Variants in FANCD2 observed in about 807,000 individuals in gnomAD.
The protein encoded by FANCD2 is FA complementation group D2, also known as Fanconi anemia group D2 protein.
In FANCD2, 131 loss-of-function variants were observed where a neutral mutation model predicts 192.3. The ratio of observed to expected loss-of-function variants is 0.68; its 90% CI spans 0.59 to 0.79. FANCD2 has a LOEUF of 0.79. FANCD2 is among the 30% of genes least tolerant of loss of function. The probability of loss-of-function intolerance (pLI) is 0.00; values close to 1 mark genes in which losing one functional copy is unlikely to be tolerated. For missense variants in FANCD2, 1,508 were observed against 1,701.6 expected (o/e 0.89, Z 2.00); for synonymous variants, 524 against 612.5 (o/e 0.86, Z 2.13).
At chr3:10,076,187 G>T (rs997972639) in intron 29 of FANCD2, among the ~76,000 whole-genome samples, 1 of 151,924 alleles carries the variant, frequency 6.6e-6, no homozygotes, top group Non-Finnish European at 1.5e-5. Flanking sequence ...TCACTCTGGG[G>T]TCCTGCCCAG....
At chr3:10,070,398 G>A (rs1693146573) in intron 26 of FANCD2, among the ~76,000 whole-genome samples, 1 of 137,700 alleles carries the variant, frequency 7.3e-6, no homozygotes, top group Non-Finnish European at 1.6e-5. Flanking sequence ...CCCCCCGCCC[G>A]GCCAGCTGCC....
intron 18 of FANCD2, among the ~76,000 whole-genome samples, chr3:10,053,892 A>G (rs535590585): frequency 2.6e-5 from 4 of 152,214 alleles, no homozygotes; most frequent in African/African-American, 9.6e-5. Flanking sequence ...TCTCCATCTA[A>G]TGTGAACTTC....
At chr3:10,080,001 G>A (rs191474336) in intron 30 of FANCD2, among the ~76,000 whole-genome samples, 26 of 145,848 alleles carry the variant, frequency 1.8e-4, no homozygotes, top group Admixed American at 1.4e-3. Flanking sequence ...TGCAACTTCC[G>A]CCTCCTGGGT....
rs35435971 is a variant in FANCD2 at position 10,046,536 on chromosome 3, A to AGG, written c.1135-44_1135-43insGG. 6.5e-4 allele frequency: 1,047 copies of AGG among 1,612,502 alleles called. 10 individuals are homozygous for AGG. In the East Asian group the frequency reaches 0.023, roughly 35 times the overall value. ...CTGTTTCATTGTAGCAAATGTACTG[A>AGG]TTTGTTAACTGTTTTTCTGTTGTTG... On this transcript the variant is annotated intron_variant, in intron 14 of 43. Coordinates refer to ENST00000675286, the MANE Select transcript of FANCD2 (RefSeq NM_001018115.3).
rs2086699995 is a variant in FANCD2, at chr3:10,035,247, T to A, written c.438+14T>A. The A allele has an allele frequency of 6.2e-7, 1 of 1,609,366 alleles. No individual in the cohort carries two copies. The highest frequency in any genetic ancestry group is 8.5e-7 in the Non-Finnish European group (1 of 1,175,892). Reference sequence around the variant, plus strand: ...GACATACTGCAGGTAAGACTGTCACTTTTTCTGTGAACATTTGATGGAAGA... The same window carrying A: ...GACATACTGCAGGTAAGACTGTCACATTTTCTGTGAACATTTGATGGAAGA... On this transcript the variant is annotated intron_variant, in intron 6 of 43. Coordinates refer to ENST00000675286, the MANE Select transcript of FANCD2 (RefSeq NM_001018115.3).
intron 42 of FANCD2, among the ~76,000 whole-genome samples, chr3:10,096,966 A>G (rs1380361791): frequency 6.6e-6 from 1 of 152,192 alleles, no homozygotes; most frequent in African/African-American, 2.4e-5. Context: ...ATAAAGGGAC[A>G]GAGTACAAAA....
Position 10,065,395 on chromosome 3 carries a change from T to G in FANCD2, c.2170T>G (p.Leu724Val), listed in dbSNP as rs201243424. ...PVTSQESGQK[L>V]VSPLCLAPYF... ...TAGAAATTTATTTCTCCTTCTCAGA[T>G]TGGTGTCTCCGCTGTGCCTGGCTCC... Residue 724 changes from leucine to valine, a missense_variant and splice_region_variant, in exon 24 of 44, where the codon TTG (leucine) becomes GTG (valine). Physicochemically the swap from Leu to Val is conservative, Grantham distance 32. Around this residue, in one of 5 missense-constraint regions of FANCD2, gnomAD observed 796 missense variants for 879.4 expected, o/e 0.91. Transcript: ENST00000675286. The G allele has an allele frequency of 1.1e-5, 17 of 1,607,096 alleles. No individual in the cohort carries two copies. Among genetic ancestry groups the G allele is most frequent in the Non-Finnish European group, 1.4e-5 (17 of 1,173,730 alleles).
Position 10,049,511 on chromosome 3 carries a change from T to C in FANCD2, c.1545+6T>C. On this transcript the variant is annotated splice_donor_region_variant and intron_variant, in intron 17 of 43. Coordinates refer to ENST00000675286, the MANE Select transcript of FANCD2 (RefSeq NM_001018115.3). Reference sequence around the variant, plus strand: ...TGAATGCTGTCTTTGTAAAGGTATCTTATTGGCTTCTTGTACTTTAGATAT... The same window carrying C: ...TGAATGCTGTCTTTGTAAAGGTATCCTATTGGCTTCTTGTACTTTAGATAT... 1.2e-6 allele frequency: 2 copies of C among 1,602,294 alleles called. No individual in the cohort carries two copies. The highest frequency in any genetic ancestry group is 1.7e-6 in the Non-Finnish European group (2 of 1,170,682).
rs2125050075 is a variant in FANCD2 at position 10,074,583 on chromosome 3, T to C, written c.2769T>C (p.Ala923=). 1 of 1,613,644 alleles carries C rather than the reference T, an allele frequency of 6.2e-7. No homozygotes were observed. The highest frequency in any genetic ancestry group is 8.5e-7 in the Non-Finnish European group (1 of 1,179,672). The change falls in exon 29 of 44, where the codon GCT becomes GCC. Residue 923 remains alanine (A), a synonymous_variant. Coordinates refer to ENST00000675286, the MANE Select transcript of FANCD2 (RefSeq NM_001018115.3). ...KTSLLLHNSH[A]FFRELDIEVF... ...CATTGTTACTACATAATTCCCATGCTTTTTTCCGAGAGCTGGACATTGAGG... is the reference window on the plus strand; with the variant it reads ...CATTGTTACTACATAATTCCCATGCCTTTTTCCGAGAGCTGGACATTGAGG...
At chr3:10,051,235 G>C (rs1166584880) in intron 17 of FANCD2, among the ~76,000 whole-genome samples, 1 of 149,060 alleles carries the variant, frequency 6.7e-6, no homozygotes, top group South Asian at 2.2e-4. Context: ...AAAAAAATTA[G>C]CCGGGCGTAG....
chr3:10,079,859 A>C (rs1693736749), intron 30 of FANCD2, among the ~76,000 whole-genome samples: 1 of 152,132 alleles, frequency 6.6e-6, no homozygotes, highest in Admixed American at 6.5e-5. Flanking sequence ...CTTGGGTATA[A>C]GCATTTAAAC....
At chr3:10,045,088 G>GTTTTTTTTTT (rs76340293) in intron 14 of FANCD2, among the ~76,000 whole-genome samples, 3,812 of 128,488 alleles carry the variant, frequency 0.03, 91 homozygotes, top group South Asian at 0.054. Context: ...CTTTTTAACT[G>GTTTTTTTTTT]TTTTTTTTTT....
chr3:10,077,675 C>T (rs1321619466), intron 29 of FANCD2, among the ~76,000 whole-genome samples: 1 of 151,924 alleles, frequency 6.6e-6, no homozygotes, highest in Admixed American at 6.6e-5. Context: ...ATTGCTCAAG[C>T]CCAGGAGTTT....
At chr3:10,031,499 T>C (rs28674015) in intron 2 of FANCD2, among the ~76,000 whole-genome samples, 32,468 of 145,302 alleles carry the variant, frequency 0.22, 4,684 homozygotes, top group African/African-American at 0.42. Context: ...AAGACTCCAT[T>C]TCAAAAAAAA....
At chr3:10,084,852 A>G (rs1575833882) in intron 32 of FANCD2, among the ~76,000 whole-genome samples, 1 of 152,210 alleles carries the variant, frequency 6.6e-6, no homozygotes, top group Non-Finnish European at 1.5e-5. Context: ...TTTTATGATC[A>G]CAGCCATAAT....
chr3:10,041,077 C>T (rs949410178), intron 9 of FANCD2: 14 of 167,172 alleles, frequency 8.4e-5, no homozygotes, highest in Non-Finnish European at 2.6e-5. Context: ...ACTTATAATT[C>T]TAGCTACTCA....
intron 2 of FANCD2, among the ~76,000 whole-genome samples, chr3:10,029,497 C>T (rs2086537909): frequency 6.6e-6 from 1 of 152,026 alleles, no homozygotes; most frequent in Admixed American, 6.6e-5. Flanking sequence ...GCAAGAGAGA[C>T]CATGTCTCAA....
intron 6 of FANCD2, among the ~76,000 whole-genome samples, chr3:10,035,844 T>G (rs2086714596): frequency 6.6e-6 from 1 of 152,146 alleles, no homozygotes; most frequent in African/African-American, 2.4e-5. Flanking sequence ...TTTGATAATC[T>G]TTTAAAGTTT....
At chr3:10,057,194 G>A (rs577247097) in intron 18 of FANCD2, among the ~76,000 whole-genome samples, 3 of 152,060 alleles carry the variant, frequency 2.0e-5, no homozygotes, top group African/African-American at 7.2e-5. Context: ...TCGTTTTGAG[G>A]TATGGGAGTT....
Sources: allele counts gnomAD v4.1 joint callset (sites outside exome capture counted in the v4.1 genomes callset), GRCh38; gene constraint gnomAD v4.1.1; regional missense constraint gnomAD v4.1.1; transcripts MANE v1.5; gene names NCBI Gene and HGNC (gene_info 2026-07-23, HGNC 2026-07-21).